Variants in ZFPM2 observed in about 807,000 individuals in gnomAD.
ZFPM2 encodes the protein zinc finger protein, FOG family member 2, also known as zinc finger protein ZFPM2.
ZFPM2 carries 20 observed loss-of-function variants against 98.6 expected under a neutral mutation model. The ratio of observed to expected loss-of-function variants is 0.20; its 90% confidence interval spans 0.14 to 0.29. ZFPM2 has a LOEUF of 0.29. ZFPM2 is among the 10% of genes least tolerant of loss of function. The pLI, the probability that ZFPM2 is intolerant of heterozygous loss-of-function variation, is 1.00. For missense variants in ZFPM2, 1,310 were observed against 1,388.6 expected, an observed-to-expected ratio of 0.94 and a Z score of 0.90; for synonymous variants, 518 against 502.7, an observed-to-expected ratio of 1.03 and a Z score of -0.41.
intron 3 of ZFPM2, among the ~76,000 whole-genome samples, chr8:105,487,558 T>G (rs1813254287): frequency 6.6e-6 from 1 of 152,194 alleles, no homozygotes; most frequent in Admixed American, 6.5e-5. Flanking sequence ...GAGTGTATAC[T>G]TTGACGTTGT....
At chr8:105,593,652 GAAA>G (rs57938920) in intron 4 of ZFPM2, among the ~76,000 whole-genome samples, 2 of 109,454 alleles carry the variant, frequency 1.8e-5, no homozygotes, top group Non-Finnish European at 3.9e-5. Context: ...TCCATTCCAA[GAAA>G]AAAAAAAAAA....
At chr8:105,587,073 G>A (rs1234184019) in intron 4 of ZFPM2, among the ~76,000 whole-genome samples, 3 of 151,248 alleles carry the variant, frequency 2.0e-5, no homozygotes, top group Non-Finnish European at 2.9e-5. Context: ...TCAGGAGATC[G>A]AGACCATCCT....
At chr8:105,578,538 G>T (rs1194139183) in intron 4 of ZFPM2, among the ~76,000 whole-genome samples, 1 of 152,036 alleles carries the variant, frequency 6.6e-6, no homozygotes, top group Non-Finnish European at 1.5e-5. Flanking sequence ...CCATTCTGCA[G>T]ATGTGATTCA....
chr8:105,370,056 G>A (rs2129808824), intron 1 of ZFPM2, among the ~76,000 whole-genome samples: 1 of 152,260 alleles, frequency 6.6e-6, no homozygotes, highest in East Asian at 1.9e-4. Context: ...TAATAAGTGA[G>A]AGGAAATCTA....
At chr8:105,790,443 A>C (rs1472803750) in intron 6 of ZFPM2, among the ~76,000 whole-genome samples, 5 of 151,970 alleles carry the variant, frequency 3.3e-5, no homozygotes, top group Non-Finnish European at 5.9e-5. Context: ...TGTTCCATTG[A>C]TCTATATCTA....
chr8:105,780,536 A>G (rs1279800782), intron 5 of ZFPM2: 1 of 152,162 alleles, frequency 6.6e-6, no homozygotes, highest in East Asian at 1.9e-4. Flanking sequence ...TTCCTTCACC[A>G]TTTCACTCAT....
intron 7 of ZFPM2, 147 bp from the exon 8 acceptor site, chr8:105,800,900 C>T (rs1813980000): frequency 4.1e-6 from 3 of 725,760 alleles, no homozygotes; most frequent in African/African-American, 3.5e-5. Context: ...TAAGAGATGT[C>T]ACAAGAAAAC....
chr8:105,326,985 A>G, intron 1 of ZFPM2, among the ~76,000 whole-genome samples: 1 of 151,444 alleles, frequency 6.6e-6, no homozygotes. Context: ...TAAATTTTAA[A>G]ATGAATTTAA....
chr8:105,772,348 C>G (rs1213583396), intron 5 of ZFPM2, among the ~76,000 whole-genome samples: 3 of 152,062 alleles, frequency 2.0e-5, no homozygotes, highest in Non-Finnish European at 4.4e-5. Flanking sequence ...TAAGGATGCT[C>G]AGGTAAAATT....
chr8:105,421,942 G>A (rs1413177835), intron 2 of ZFPM2, among the ~76,000 whole-genome samples: 2 of 149,784 alleles, frequency 1.3e-5, no homozygotes, highest in Non-Finnish European at 3.0e-5. Context: ...AGTTACTCAG[G>A]AGGCTGAGAC....
intron 5 of ZFPM2, among the ~76,000 whole-genome samples, chr8:105,656,930 C>T (rs1367938472): frequency 2.0e-5 from 3 of 152,232 alleles, no homozygotes; most frequent in South Asian, 2.1e-4. Context: ...TAATAGGAAG[C>T]ACTCGAGAAA....
intron 1 of ZFPM2, among the ~76,000 whole-genome samples, chr8:105,391,439 A>G (rs773082814): frequency 6.6e-6 from 1 of 152,204 alleles, no homozygotes; most frequent in Non-Finnish European, 1.5e-5. Flanking sequence ...TAAGACAACG[A>G]TGAAGTTTGT....
At chr8:105,542,609 G>C (rs1814602273) in intron 3 of ZFPM2, among the ~76,000 whole-genome samples, 2 of 152,110 alleles carry the variant, frequency 1.3e-5, no homozygotes, top group South Asian at 4.1e-4. Flanking sequence ...CTGACTTTTT[G>C]TATCCACAGG....
intron 5 of ZFPM2, among the ~76,000 whole-genome samples, chr8:105,774,380 C>A (rs536268598): frequency 6.6e-6 from 1 of 152,198 alleles, no homozygotes; most frequent in Admixed American, 6.5e-5. Context: ...TTGTTATCCC[C>A]AGAATTTGAA....
At chr8:105,568,465 C>T (rs1274361926) in intron 4 of ZFPM2, among the ~76,000 whole-genome samples, 1 of 152,180 alleles carries the variant, frequency 6.6e-6, no homozygotes, top group African/African-American at 2.4e-5. Context: ...CCATACCTCT[C>T]TCCTTTTGCC....
At chr8:105,561,072 G>A (rs1815124225) in intron 3 of ZFPM2, among the ~76,000 whole-genome samples, 1 of 152,034 alleles carries the variant, frequency 6.6e-6, no homozygotes, top group Non-Finnish European at 1.5e-5. Flanking sequence ...GCTTTTTAAG[G>A]GAGTGTTACT....
At chr8:105,415,329 A>G (rs1213689231) in intron 1 of ZFPM2, among the ~76,000 whole-genome samples, 1 of 152,106 alleles carries the variant, frequency 6.6e-6, no homozygotes, top group Non-Finnish European at 1.5e-5. Context: ...ATTCATATTT[A>G]TAAACATTGA....
chr8:105,549,993 A>C (rs1201042814), intron 3 of ZFPM2, among the ~76,000 whole-genome samples: 3 of 152,068 alleles, frequency 2.0e-5, no homozygotes, highest in Admixed American at 2.0e-4. Flanking sequence ...TTAGTTATTA[A>C]ATATACTAAA....
chr8:105,644,351 C>A (rs1289424320), intron 5 of ZFPM2, among the ~76,000 whole-genome samples: 1 of 150,818 alleles, frequency 6.6e-6, no homozygotes, highest in Non-Finnish European at 1.5e-5. Context: ...AAACTCCTGG[C>A]CTCAGCTTCT....
Sources: allele counts gnomAD v4.1 joint callset (sites outside exome capture counted in the v4.1 genomes callset), GRCh38; gene constraint gnomAD v4.1.1; transcripts MANE v1.5; gene names NCBI Gene and HGNC (gene_info 2026-07-23, HGNC 2026-07-21).